The following AMTN variants were observed in gnomAD, a reference collection of about 807,000 sequenced individuals.
AMTN encodes amelotin.
AMTN carries 29 observed loss-of-function variants against 27.4 expected under a neutral mutation model. The observed-to-expected ratio is 1.06, with a 90% CI of 0.79 to 1.44. The LOEUF (loss-of-function observed/expected upper bound fraction) is 1.44, where lower values mean the gene tolerates loss of function less well. Ranked by LOEUF, AMTN falls within the 40% of genes most tolerant of loss-of-function variation. The pLI is 0.00. For synonymous variants in AMTN, 86 were observed against 95.7 expected, an observed-to-expected ratio of 0.90 and a Z score of 0.59; for missense variants, 247 against 248.8, an observed-to-expected ratio of 0.99 and a Z score of 0.05.
At chr4:70,527,120 C>G (rs1736117033) in intron 5 of AMTN, among the ~76,000 whole-genome samples, 1 of 152,174 alleles carries the variant, frequency 6.6e-6, no homozygotes, top group African/African-American at 2.4e-5. Flanking sequence ...TCATTTTGCT[C>G]AAAATTTAAA....
intron 2 of AMTN, among the ~76,000 whole-genome samples, chr4:70,522,004 C>A (rs543858681): frequency 6.6e-6 from 1 of 152,262 alleles, no homozygotes; most frequent in Admixed American, 6.5e-5. Flanking sequence ...GACTCAAGGG[C>A]TGGTGCAGAG....
At chr4:70,532,118 G>T (rs1736238765) in intron 8 of AMTN, among the ~76,000 whole-genome samples, 1 of 152,158 alleles carries the variant, frequency 6.6e-6, no homozygotes, top group Non-Finnish European at 1.5e-5. Flanking sequence ...ACTCACTGAT[G>T]GAGCCTCAGA....
At chr4:70,518,926 T>A in intron 2 of AMTN, 95 bp downstream of exon 2, 5 of 1,008,084 alleles carry the variant, frequency 5.0e-6, no homozygotes, top group Non-Finnish European at 7.9e-6. Context: ...AAAACTGCTC[T>A]GTTTTGTGAC....
intron 3 of AMTN, 68 bp from the exon 4 acceptor site, chr4:70,523,800 T>A: frequency 7.5e-7 from 1 of 1,341,544 alleles, no homozygotes; most frequent in Non-Finnish European, 1.1e-6. Flanking sequence ...CATGAGGATA[T>A]CCACCACTGA....
rs1283361492 is a variant in AMTN, at chr4:70,518,630, T to C, written c.-40T>C. 10 of 644,276 alleles carry C rather than the reference T, an allele frequency of 1.6e-5. No individual in the cohort carries two copies. Among genetic ancestry groups the C allele is most frequent in the Non-Finnish European group, 2.4e-5 (9 of 367,938 alleles). The allele number at this position is 644,276 out of a possible 1,614,324, so 39.9% of individuals were successfully genotyped here. A position where few individuals can be genotyped will look rare whatever the true frequency, so the allele number is the denominator to read the frequency against. On this transcript the variant is annotated 5_prime_UTR_variant, in exon 1 of 9. Transcript: ENST00000339336. Reference sequence around the variant, plus strand: ...GAAACCAACTGGACCTTGAGTATTGTACATTTTGCCTCGTGGACCCAAAGG... The same window carrying C: ...GAAACCAACTGGACCTTGAGTATTGCACATTTTGCCTCGTGGACCCAAAGG...
rs1194433510 is a variant in AMTN at position 70,529,219 on chromosome 4, A to C, written c.357+9A>C. On this transcript the variant is annotated intron_variant, in intron 7 of 8. Transcript: ENST00000339336. The stretch of plus-strand genomic sequence containing the variant: ...TAAGCTCAGAGGAATTGGTAAAAAA[A>C]ATAAAAATACTATTTCAAATTATTT... The C allele has an allele frequency of 2.6e-6, 4 of 1,537,944 alleles. No homozygotes were observed. Among genetic ancestry groups the C allele is most frequent in the Admixed American group, 4.4e-5 (2 of 45,410 alleles).
rs111344806 is a variant in AMTN at position 70,528,616 on chromosome 4, C to T, written c.295-107C>T. On this transcript the variant is annotated intron_variant, in intron 5 of 8. Coordinates refer to ENST00000339336, the MANE Select transcript of AMTN (RefSeq NM_212557.4). ...AGTGAGCCAAGACCATGCCACTGCACTCCAGCCTGGGCAACAGAGCAAGAC... is the reference window on the plus strand; with the variant it reads ...AGTGAGCCAAGACCATGCCACTGCATTCCAGCCTGGGCAACAGAGCAAGAC... 13,717 of 956,524 alleles carry T rather than the reference C, an allele frequency of 0.014. 916 individuals carry two copies. In the African/African-American group the frequency reaches 0.16, roughly 11 times the overall value. The allele number at this position is 956,524 out of a possible 1,614,324, so 59.3% of individuals were successfully genotyped here.
chr4:70,522,579 T>A (rs1192754166), intron 2 of AMTN, among the ~76,000 whole-genome samples, 176 bp from the exon 3 acceptor site: 1 of 152,156 alleles, frequency 6.6e-6, no homozygotes, highest in Non-Finnish European at 1.5e-5. Context: ...TGGGCTGGCA[T>A]TTTTCCACTC....
In AMTN at chr4:70,529,213, A is replaced by G. The variant is rs781186513; in HGVS notation, c.357+3A>G. 3 of 1,525,252 alleles carry G rather than the reference A, an allele frequency of 2.0e-6. No individual in the cohort carries two copies. The highest frequency in any genetic ancestry group is 8.8e-7 in the Non-Finnish European group (1 of 1,136,316). 94.5% of individuals were successfully genotyped at this position (1,525,252 alleles called of 1,614,324 possible). On this transcript the variant is annotated splice_donor_region_variant and intron_variant, in intron 7 of 8. Transcript: ENST00000339336. ...CTATCCTAAGCTCAGAGGAATTGGT[A>G]AAAAAAATAAAAATACTATTTCAAA...
chr4:70,529,024 GTT>G (rs1326961688), intron 6 of AMTN, among the ~76,000 whole-genome samples, 158 bp from the exon 7 acceptor site: 2 of 152,150 alleles, frequency 1.3e-5, no homozygotes, highest in Non-Finnish European at 2.9e-5. Context: ...GCTGACTTGA[GTT>G]TTGTAATATA....
chr4:70,522,526 G>T (rs942407649), intron 2 of AMTN, among the ~76,000 whole-genome samples: 5 of 152,048 alleles, frequency 3.3e-5, no homozygotes, highest in Admixed American at 3.3e-4. Flanking sequence ...CATCTGCTTG[G>T]GTTCATCCCA....
At chr4:70,522,103 G>A (rs533411029) in intron 2 of AMTN, among the ~76,000 whole-genome samples, 98 of 151,710 alleles carry the variant, frequency 6.5e-4, no homozygotes, top group African/African-American at 2.2e-3. Flanking sequence ...TTTTTTTTTC[G>A]GAGACTAAGA....
intron 3 of AMTN, among the ~76,000 whole-genome samples, chr4:70,523,618 A>G (rs188916035): frequency 2.4e-4 from 36 of 152,350 alleles, no homozygotes; most frequent in African/African-American, 8.2e-4. Flanking sequence ...TTATAATGTG[A>G]TAAGAAATAA....
intron 2 of AMTN, among the ~76,000 whole-genome samples, chr4:70,520,812 T>C (rs1735936327): frequency 6.6e-6 from 1 of 151,946 alleles, no homozygotes; most frequent in South Asian, 2.1e-4. Flanking sequence ...AGGACAGCAG[T>C]CAGGTTTGGC....
chr4:70,519,490 T>C (rs1735901704), intron 2 of AMTN, among the ~76,000 whole-genome samples: 1 of 145,016 alleles, frequency 6.9e-6, no homozygotes, highest in Admixed American at 7.3e-5. Flanking sequence ...AATTACAATA[T>C]ACTTGCTATG....
At chr4:70,525,004 T>A (rs771160103) in intron 5 of AMTN, 43 bp downstream of exon 5, 23 of 1,571,990 alleles carry the variant, frequency 1.5e-5, no homozygotes, top group Non-Finnish European at 2.0e-5. Context: ...TTAGAGAGCA[T>A]TTTCTCTCAG....
chr4:70,531,493 C>G (rs1375969992), intron 8 of AMTN, among the ~76,000 whole-genome samples, 193 bp downstream of exon 8: 1 of 152,108 alleles, frequency 6.6e-6, no homozygotes, highest in African/African-American at 2.4e-5. Context: ...GGTATTAACA[C>G]TGAAGGAAGA....
Position 70,528,705 on chromosome 4 carries a change from T to G in AMTN, c.295-18T>G, listed in dbSNP as rs1243041577. The G allele has an allele frequency of 1.9e-6, 3 of 1,606,258 alleles. No homozygotes were observed. Among genetic ancestry groups the G allele is most frequent in the African/African-American group, 2.7e-5 (2 of 74,410 alleles). ...TCCAGAGCTTACTTTTGAAAGAGTTTTTCTCTCATTTTTTCAGGTGTTACC... is the reference window on the plus strand; with the variant it reads ...TCCAGAGCTTACTTTTGAAAGAGTTGTTCTCTCATTTTTTCAGGTGTTACC... On this transcript the variant is annotated intron_variant, in intron 5 of 8. Coordinates refer to ENST00000339336, the MANE Select transcript of AMTN (RefSeq NM_212557.4).
rs1235264262 is a variant in AMTN, at chr4:70,532,553, G to C, written c.*88G>C. 16 of 1,181,482 alleles carry C rather than the reference G, an allele frequency of 1.4e-5. No individual in the cohort carries two copies. The highest frequency in any genetic ancestry group is 2.0e-5 in the Non-Finnish European group (16 of 808,010). The allele number at this position is 1,181,482 out of a possible 1,614,324, so 73.2% of individuals were successfully genotyped here. Reference sequence around the variant, plus strand: ...TTGATTATATTATGGAATAGATTGAGACACATTGGATAGTCTTAGAAGAAA... The same window carrying C: ...TTGATTATATTATGGAATAGATTGACACACATTGGATAGTCTTAGAAGAAA... On this transcript the variant is annotated 3_prime_UTR_variant, in exon 9 of 9. Coordinates refer to ENST00000339336, the MANE Select transcript of AMTN (RefSeq NM_212557.4).
Sources: gnomAD v4.1 joint callset for allele counts (sites outside exome capture counted in the v4.1 genomes callset) on GRCh38, gnomAD v4.1.1 for gene constraint, MANE v1.5 for transcripts, NCBI Gene and HGNC (gene_info 2026-07-23, HGNC 2026-07-21) for gene names.